Variants in GALNS observed in about 807,000 individuals in gnomAD.
The protein encoded by GALNS is galactosamine (N-acetyl)-6-sulfatase, also known as N-acetylgalactosamine-6-sulfatase.
In GALNS, 65 loss-of-function variants were observed where a neutral mutation model predicts 65.9. The observed-to-expected ratio is 0.99, with a 90% CI of 0.81 to 1.21. The LOEUF (loss-of-function observed/expected upper bound fraction) is 1.21, where lower values mean the gene tolerates loss of function less well. Ranked by LOEUF, GALNS falls within the 50% of genes most tolerant of loss-of-function variation. The pLI is 0.00. For synonymous variants in GALNS, 346 were observed against 288.9 expected (o/e 1.20, Z -2.00); for missense variants, 776 against 700.7 (o/e 1.11, Z -1.21).
rs906224931 is a variant in GALNS at position 88,848,983 on chromosome 16, G to A, written c.121-6154C>T. On this transcript the variant is annotated intron_variant, in intron 1 of 13. Coordinates refer to ENST00000268695, the MANE Select transcript of GALNS (RefSeq NM_000512.5). Reference sequence around the variant, plus strand: ...TAAGGCTCAGCTTGGCAGGGTGGCCGCTCCTTGCCTCAGCCCCTCCTAACG... The same window carrying A: ...TAAGGCTCAGCTTGGCAGGGTGGCCACTCCTTGCCTCAGCCCCTCCTAACG... 3.9e-5 allele frequency among the ~76,000 whole-genome samples: 6 copies of A among 152,350 alleles called. No individual in the cohort carries two copies. The South Asian group carries it at 1.0e-3, about 26-fold the overall frequency.
At chr16:88,815,477 T>G in intron 13 of GALNS, 1 of 985,482 alleles carries the variant, frequency 1.0e-6, no homozygotes, top group Non-Finnish European at 1.2e-6. Context: ...TGGGTGTGTG[T>G]GGACCTCACA....
rs546293205 is a variant in GALNS at position 88,814,591 on chromosome 16, G to A, written c.1483-66C>T. ...AAGCTCTTCTGGACCCAGCAGCAGC[G>A]GGCATTTTGTTGTTGCTGTTCTGAG... On this transcript the variant is annotated intron_variant, in intron 13 of 13. Coordinates refer to ENST00000268695, the MANE Select transcript of GALNS (RefSeq NM_000512.5). The A allele has an allele frequency of 1.2e-5, 19 of 1,547,186 alleles. 1 individual carries two copies. The Middle Eastern group carries it at 6.2e-4, about 51-fold the overall frequency.
At chr16:88,822,921 A>G (rs1484941393) in intron 11 of GALNS, among the ~76,000 whole-genome samples, 4 of 152,196 alleles carry the variant, frequency 2.6e-5, no homozygotes. Flanking sequence ...GGCGCTGGCT[A>G]AACGCTGAAG....
At chr16:88,824,003 C>T (rs1189733335) in intron 11 of GALNS, among the ~76,000 whole-genome samples, 1 of 152,220 alleles carries the variant, frequency 6.6e-6, no homozygotes, top group Admixed American at 6.5e-5. Flanking sequence ...CACTGCCCCA[C>T]GAGCAGCTTC....
chr16:88,815,994 G>A lies in GALNS; in HGVS notation c.1483-1469C>T, dbSNP rs1248967302. The A allele has an allele frequency of 4.1e-6, 4 of 985,294 alleles. No individual in the cohort carries two copies. The African/African-American group carries it at 7.0e-5, about 17-fold the overall frequency. 61.0% of individuals were successfully genotyped at this position (985,294 alleles called of 1,614,324 possible). ...GGCTGGCCTGGAGTTGGCGGGGACA[G>A]AGGGCAGGGAAGGGGTAAGGAGGGC... is the stretch of plus-strand genomic sequence containing the variant. On this transcript the variant is annotated intron_variant, in intron 13 of 13. Coordinates refer to ENST00000268695, the MANE Select transcript of GALNS (RefSeq NM_000512.5).
intron 1 of GALNS, among the ~76,000 whole-genome samples, chr16:88,852,476 T>C (rs1967548271): frequency 6.6e-6 from 1 of 152,164 alleles, no homozygotes; most frequent in African/African-American, 2.4e-5. Flanking sequence ...GCACCTCTTC[T>C]CCTCCAAAGG....
Position 88,856,918 on chromosome 16 carries a change from C to CCTAG in GALNS, c.-45_-42dup. 6.7e-7 allele frequency: 1 copy of CCTAG among 1,486,834 alleles called. No individual in the cohort carries two copies. Among genetic ancestry groups the CCTAG allele is most frequent in the East Asian group, 2.8e-5 (1 of 35,372 alleles). 92.1% of individuals were successfully genotyped at this position (1,486,834 alleles called of 1,614,324 possible). The stretch of plus-strand genomic sequence containing the variant: ...CGCGGAGCCCCGGCCAGCGAGCCGA[C>CCTAG]CTAGCGAGCGTCCGCCGGCCCTTCC... On this transcript the variant is annotated 5_prime_UTR_variant, in exon 1 of 14. Coordinates refer to ENST00000268695, the MANE Select transcript of GALNS (RefSeq NM_000512.5).
intron 8 of GALNS, 33 bp from the exon 9 acceptor site, chr16:88,832,134 G>A: frequency 1.3e-6 from 2 of 1,578,922 alleles, no homozygotes; most frequent in African/African-American, 1.3e-5. Context: ...AGGCCACTGG[G>A]ACCAGATGTC....
Position 88,836,188 on chromosome 16 carries a change from C to G in GALNS, c.633+13G>C, listed in dbSNP as rs200292757. ...TGCGTCCCACAGGGCGAGGATGGTGCGGTCCCCATCACCTGCAGGTAGATC... is the reference window on the plus strand; with the variant it reads ...TGCGTCCCACAGGGCGAGGATGGTGGGGTCCCCATCACCTGCAGGTAGATC... On this transcript the variant is annotated intron_variant, in intron 6 of 13. Transcript: ENST00000268695. 340 of 1,610,800 alleles carry G rather than the reference C, an allele frequency of 2.1e-4. 7 individuals carry two copies. In the East Asian group the frequency reaches 2.4e-3, roughly 12 times the overall value.
At chr16:88,853,157 A>G (rs1294828736) in intron 1 of GALNS, among the ~76,000 whole-genome samples, 1 of 147,948 alleles carries the variant, frequency 6.8e-6, no homozygotes, top group Non-Finnish European at 1.5e-5. Context: ...AGGCTGAGGC[A>G]GGAGAATTGC....
At position 88,825,590 on chromosome 16, in the gene GALNS, G is replaced by A. The variant is rs555701980; in HGVS notation, c.1140-721C>T. 4.0e-3 allele frequency among the ~76,000 whole-genome samples: 594 copies of A among 149,932 alleles called. 2 individuals carry two copies. The highest frequency in any genetic ancestry group is 0.014 in the African/African-American group (570 of 40,906). ...GGATTCCTGGGCAGCTGGGGCTGGGGTGCCTGGGTGTCTGGGGTGCCTGGG... is the reference window on the plus strand; with the variant it reads ...GGATTCCTGGGCAGCTGGGGCTGGGATGCCTGGGTGTCTGGGGTGCCTGGG... On this transcript the variant is annotated intron_variant, in intron 10 of 13. Transcript: ENST00000268695.
At chr16:88,837,495 CG>C (rs1469093493) in intron 5 of GALNS, 126 bp downstream of exon 5, 11 of 982,216 alleles carry the variant, frequency 1.1e-5, no homozygotes, top group Non-Finnish European at 1.7e-5. Flanking sequence ...CCTCGGTGCC[CG>C]GGGACCCAGG....
chr16:88,846,651 T>C (rs953310535), intron 1 of GALNS, among the ~76,000 whole-genome samples: 34 of 151,232 alleles, frequency 2.2e-4, no homozygotes, highest in African/African-American at 8.3e-4. Flanking sequence ...AAGCGATTAC[T>C]CCTGCCTCAG....
intron 1 of GALNS, chr16:88,843,193 C>T (rs542696174): frequency 1.7e-5 from 23 of 1,346,572 alleles, no homozygotes; most frequent in African/African-American, 1.3e-4. Context: ...CCTCTAAACA[C>T]GTGCATCTAT....
At chr16:88,842,272 T>G (rs959003946) in intron 2 of GALNS, 3 of 544,018 alleles carry the variant, frequency 5.5e-6, no homozygotes, top group Non-Finnish European at 1.0e-5. Flanking sequence ...CACGCCCCCA[T>G]CCTCGAGCAC....
intron 10 of GALNS, 84 bp downstream of exon 10, chr16:88,826,618 G>A (rs1204790655): frequency 7.3e-6 from 11 of 1,506,964 alleles, no homozygotes; most frequent in Non-Finnish European, 1.0e-5. Flanking sequence ...GAGGGCTGCT[G>A]GGCCTGGGGG....
intron 1 of GALNS, among the ~76,000 whole-genome samples, chr16:88,848,571 G>GAA (rs60527229): frequency 0.059 from 8,039 of 135,744 alleles, 797 homozygotes; most frequent in African/African-American, 0.2. Flanking sequence ...GACTCCGTCT[G>GAA]AAAAAAAAAA....
At chr16:88,840,949 G>C (rs1966936590) in intron 4 of GALNS, 43 bp downstream of exon 4, 1 of 1,472,630 alleles carries the variant, frequency 6.8e-7, no homozygotes, top group African/African-American at 1.4e-5. Flanking sequence ...GCCAGGAAGT[G>C]GATGGAGCAG....
At chr16:88,833,078 A>C (rs1268385479) in intron 8 of GALNS, among the ~76,000 whole-genome samples, 69 of 47,970 alleles carry the variant, frequency 1.4e-3, no homozygotes, top group Non-Finnish European at 2.2e-3. Flanking sequence ...ACTCCTTCTC[A>C]AAAAAAAAAA....
Sources: allele counts gnomAD v4.1 joint callset (sites outside exome capture counted in the v4.1 genomes callset), GRCh38; gene constraint gnomAD v4.1.1; transcripts MANE v1.5; gene names NCBI Gene and HGNC (gene_info 2026-07-23, HGNC 2026-07-21).